KIF26B: variants seen among roughly 807,000 people sequenced by gnomAD.
KIF26B encodes kinesin family member 26B, also known as kinesin-like protein KIF26B.
Under a neutral mutation model 151.2 loss-of-function variants are expected in KIF26B, and 63 were observed. The observed-to-expected ratio is 0.42, with a 90% CI of 0.34 to 0.51. KIF26B has a LOEUF of 0.51. Ranked by LOEUF, KIF26B falls within the 20% of genes least tolerant of loss-of-function variation. The pLI is 0.07. For synonymous variants in KIF26B, 1,357 were observed against 1,262.1 expected, an observed-to-expected ratio of 1.08 and a Z score of -1.59; for missense variants, 2,813 against 2,913.6, an observed-to-expected ratio of 0.97 and a Z score of 0.79.
At position 245,389,821 on chromosome 1, in the gene KIF26B, G is replaced by C. The variant is rs114923153; in HGVS notation, c.999+22454G>C. On this transcript the variant is annotated intron_variant, in intron 3 of 14. Coordinates refer to ENST00000407071, the MANE Select transcript of KIF26B (RefSeq NM_018012.4). ...ACGCCAGCCCAACACTGTGAATGCA[G>C]TGAGGCCTTTCCTCCTTTCCCAAGG... Among the ~76,000 whole-genome samples, 886 of 152,316 alleles carry C rather than the reference G, an allele frequency of 5.8e-3. 7 individuals are homozygous for C. Among genetic ancestry groups the C allele is most frequent in the Non-Finnish European group, 9.1e-3 (618 of 68,038 alleles).
At chr1:245,605,205 C>T (rs1255104006) in intron 6 of KIF26B, among the ~76,000 whole-genome samples, 1 of 151,568 alleles carries the variant, frequency 6.6e-6, no homozygotes, top group African/African-American at 2.4e-5. Context: ...ACAGGAAGTG[C>T]TCACAGCAGA....
Position 245,156,881 on chromosome 1 carries a change from G to C in KIF26B, c.465+198G>C, listed in dbSNP as rs373178931. ...GCCCCTTCCTCAGCCAGGCCGCCCG[G>C]GGGGCAGGAGGACCGAGTCCCGAGC... On this transcript the variant is annotated intron_variant, in intron 2 of 14. Transcript: ENST00000407071. Among the ~76,000 whole-genome samples, 12 of 152,332 alleles carry C rather than the reference G, an allele frequency of 7.9e-5. No individual in the cohort carries two copies. The East Asian group carries it at 1.2e-3, about 15-fold the overall frequency.
At chr1:245,683,554 C>T (rs555293712) in intron 10 of KIF26B, among the ~76,000 whole-genome samples, 1 of 152,310 alleles carries the variant, frequency 6.6e-6, no homozygotes, top group East Asian at 1.9e-4. Flanking sequence ...CCGCACAGCA[C>T]CTGCACAGTT....
At chr1:245,247,979 C>T (rs150298202) in intron 2 of KIF26B, among the ~76,000 whole-genome samples, 1 of 152,312 alleles carries the variant, frequency 6.6e-6, no homozygotes, top group African/African-American at 2.4e-5. Flanking sequence ...CTCAGTCTCA[C>T]TGGGTGATAA....
At chr1:245,459,823 C>T (rs1031865327) in intron 4 of KIF26B, among the ~76,000 whole-genome samples, 4 of 152,032 alleles carry the variant, frequency 2.6e-5, no homozygotes, top group African/African-American at 7.2e-5. Context: ...ATGAAAGTCT[C>T]TGAAATGTGC....
chr1:245,534,678 T>G (rs973752113), intron 4 of KIF26B, among the ~76,000 whole-genome samples: 14 of 152,196 alleles, frequency 9.2e-5, no homozygotes, highest in Non-Finnish European at 1.8e-4. Flanking sequence ...ATTTTTCTGC[T>G]ACTGGAAATC....
intron 5 of KIF26B, among the ~76,000 whole-genome samples, chr1:245,600,773 A>G (rs2043387845): frequency 6.6e-6 from 1 of 152,172 alleles, no homozygotes; most frequent in African/African-American, 2.4e-5. Flanking sequence ...GGCCATGTTC[A>G]GCACTTTACA....
At chr1:245,202,074 T>C (rs1669309579) in intron 2 of KIF26B, among the ~76,000 whole-genome samples, 1 of 152,186 alleles carries the variant, frequency 6.6e-6, no homozygotes, top group African/African-American at 2.4e-5. Flanking sequence ...AGGCAGGCCA[T>C]ATGTACTCAA....
intron 3 of KIF26B, among the ~76,000 whole-genome samples, chr1:245,411,180 T>C (rs1674272619): frequency 6.6e-6 from 1 of 152,190 alleles, no homozygotes; most frequent in African/African-American, 2.4e-5. Flanking sequence ...TTAGGAAAGG[T>C]TCATGACACT....
intron 2 of KIF26B, among the ~76,000 whole-genome samples, chr1:245,285,640 GAAA>G (rs68008343): frequency 0.62 from 81,563 of 130,954 alleles, 24,241 homozygotes; most frequent in East Asian, 0.72. Context: ...TCCTAAAATT[GAAA>G]AAAAAAAAAA....
intron 10 of KIF26B, among the ~76,000 whole-genome samples, chr1:245,649,232 A>G (rs2043987259): frequency 6.6e-6 from 1 of 152,234 alleles, no homozygotes; most frequent in Admixed American, 6.5e-5. Flanking sequence ...TTCATCAACT[A>G]GAAACTGTCC....
chr1:245,626,638 T>C (rs78394314), intron 9 of KIF26B, among the ~76,000 whole-genome samples: 4,384 of 152,288 alleles, frequency 0.029, 213 homozygotes, highest in African/African-American at 0.099. Flanking sequence ...AATTCCTTGT[T>C]GAATGAACAG....
chr1:245,339,518 GTAGAT>G lies in KIF26B; in HGVS notation c.466-27314_466-27310del, dbSNP rs370129052. 7.6e-4 allele frequency among the ~76,000 whole-genome samples: 116 copies of G among 152,268 alleles called. No homozygotes were observed. The South Asian group carries it at 0.023, about 30-fold the overall frequency. On this transcript the variant is annotated intron_variant, in intron 2 of 14. Transcript: ENST00000407071. ...TTAAGGAAGACAAGTTTCTGAGATT[GTAGAT>G]TCCTATGGGTAAAATATGTATATTA...
At chr1:245,661,450 G>A (rs1183965195) in intron 10 of KIF26B, among the ~76,000 whole-genome samples, 1 of 151,832 alleles carries the variant, frequency 6.6e-6, no homozygotes. Flanking sequence ...AACCTTCTGA[G>A]GACGCTGAGG....
At chr1:245,311,358 G>T (rs1434169629) in intron 2 of KIF26B, among the ~76,000 whole-genome samples, 1 of 151,438 alleles carries the variant, frequency 6.6e-6, no homozygotes, top group Non-Finnish European at 1.5e-5. Context: ...CAGGCTGGTC[G>T]CTGTCTTGTC....
chr1:245,544,059 T>C (rs564752416), intron 5 of KIF26B, among the ~76,000 whole-genome samples: 2 of 152,320 alleles, frequency 1.3e-5, no homozygotes, highest in South Asian at 4.1e-4. Flanking sequence ...CCCTACCATA[T>C]GGTGCCAAAC....
intron 2 of KIF26B, among the ~76,000 whole-genome samples, chr1:245,235,615 C>A (rs1272222490): frequency 6.7e-6 from 1 of 148,524 alleles, no homozygotes; most frequent in African/African-American, 2.5e-5. Flanking sequence ...AAGGGAGAGA[C>A]GGAGGGAGAG....
In KIF26B at chr1:245,686,182, CGG is replaced by C; in HGVS notation, c.3200_3201del (p.Arg1067ProfsTer49). 1 of 1,612,536 alleles carries C rather than the reference CGG, an allele frequency of 6.2e-7. No individual in the cohort carries two copies. Among genetic ancestry groups the C allele is most frequent in the African/African-American group, 1.3e-5 (1 of 75,072 alleles). On this transcript the variant is annotated frameshift_variant, in exon 12 of 15. Transcript: ENST00000407071. LOFTEE classifies it high-confidence loss of function. This position sits in a 1 kb window ranked among gnomAD's most constrained non-coding sequence, Gnocchi z 5.6. The stretch of plus-strand genomic sequence containing the variant: ...CAAGCCCAGGCCCATGGGCTCCCCC[CGG>C]CTGGGCATCGCCAGCCTGTCCAAGA... ...EGKPRPMGSPRLGIASLSKTS... is the reference protein window; with the variant it reads ...EGKPRPMGSPXLGIASLSKTS...
intron 4 of KIF26B, among the ~76,000 whole-genome samples, chr1:245,472,675 G>A (rs575792720): frequency 2.6e-5 from 4 of 152,314 alleles, no homozygotes; most frequent in Non-Finnish European, 4.4e-5. Flanking sequence ...AGTGGCTGCC[G>A]TGGTTGGCCG....
Sources: allele counts gnomAD v4.1 joint callset (sites outside exome capture counted in the v4.1 genomes callset), GRCh38; gene constraint gnomAD v4.1.1; non-coding constraint Gnocchi (gnomAD v3.1); transcripts MANE v1.5; gene names NCBI Gene and HGNC (gene_info 2026-07-23, HGNC 2026-07-21).